The following FLT1 variants were observed in gnomAD, a reference collection of about 807,000 sequenced individuals.
The protein encoded by FLT1 is fms related receptor tyrosine kinase 1.
Under a neutral mutation model 156.3 loss-of-function variants are expected in FLT1, and 49 were observed. The ratio of observed to expected loss-of-function variants is 0.31; its 90% confidence interval spans 0.25 to 0.40. The LOEUF is 0.40. Ranked by LOEUF, FLT1 falls within the 10% of genes least tolerant of loss-of-function variation. FLT1 has a pLI of 1.00. For missense variants in FLT1, 1,322 were observed against 1,637.2 expected, an observed-to-expected ratio of 0.81 and a Z score of 3.32; for synonymous variants, 594 against 583.8, an observed-to-expected ratio of 1.02 and a Z score of -0.25.
Position 28,308,899 on chromosome 13 carries a change from G to C in FLT1, c.3664C>G (p.Leu1222Val), listed in dbSNP as rs1231182408. ...RYVNAFKFMS[L>V]ERIKTFEELL... ...TCTTCAAAGGTTTTGATTCTTTCCA[G>C]GCTCATGAACTTGAAAGCATTTACG... Residue 1222 changes from leucine (L) to valine (V), a missense_variant, in exon 28 of 30, where the codon CTG (leucine) becomes GTG (valine). Leu to Val is a conservative substitution (Grantham distance 32). This residue lies in a region of FLT1 where 329 missense variants were observed against 366.2 expected (regional missense o/e 0.90). Transcript: ENST00000282397. The C allele has an allele frequency of 6.2e-7, 1 of 1,611,126 alleles. No homozygotes were observed. The highest frequency in any genetic ancestry group is 2.2e-5 in the East Asian group (1 of 44,872).
chr13:28,429,901 C>T (rs1183348059), intron 8 of FLT1, 149 bp downstream of exon 8: 2 of 726,988 alleles, frequency 2.8e-6, no homozygotes, highest in African/African-American at 1.8e-5. Flanking sequence ...TCACCTCCAC[C>T]ACCCAAGAAT....
intron 25 of FLT1, among the ~76,000 whole-genome samples, chr13:28,316,431 T>G (rs1325928842): frequency 6.6e-6 from 1 of 152,222 alleles, no homozygotes; most frequent in Admixed American, 6.5e-5. Context: ...GCCCAAGTCC[T>G]TGTCAGCAGC....
In FLT1 at chr13:28,345,361, C is replaced by T. The variant is rs191089808; in HGVS notation, c.2355+84G>A. 222 of 799,616 alleles carry T rather than the reference C, an allele frequency of 2.8e-4. 1 individual carries two copies. In the Middle Eastern group the frequency reaches 4.5e-3, roughly 16 times the overall value. 49.5% of individuals were successfully genotyped at this position (799,616 alleles called of 1,614,324 possible). A position where few individuals can be genotyped will look rare whatever the true frequency, so the allele number is the denominator to read the frequency against. Reference sequence around the variant, plus strand: ...GGGAAGGGAAAGAAAGAGGGTCCAACATTTGTTTGCCTACTCTAGACATCA... The same window carrying T: ...GGGAAGGGAAAGAAAGAGGGTCCAATATTTGTTTGCCTACTCTAGACATCA... On this transcript the variant is annotated intron_variant, in intron 16 of 29. Coordinates refer to ENST00000282397, the MANE Select transcript of FLT1 (RefSeq NM_002019.4).
At chr13:28,433,783 T>C (rs1293794496) in intron 6 of FLT1, 36 bp downstream of exon 6, 2 of 1,604,102 alleles carry the variant, frequency 1.2e-6, no homozygotes, top group Admixed American at 1.7e-5. Flanking sequence ...CTTAAAATAC[T>C]GTCCTGCAGA....
chr13:28,320,544 T>A (rs9319426), intron 23 of FLT1, among the ~76,000 whole-genome samples: 128,953 of 145,842 alleles, frequency 0.88, 57,449 homozygotes, highest in Non-Finnish European at 0.98. Flanking sequence ...TTTGTTTGCA[T>A]TTTTTTTTTT....
At chr13:28,311,355 C>T (rs537642342) in intron 27 of FLT1, among the ~76,000 whole-genome samples, 15 of 152,202 alleles carry the variant, frequency 9.9e-5, no homozygotes, top group South Asian at 4.2e-4. Flanking sequence ...AAGAAAAATC[C>T]GTAACAAACA....
At chr13:28,471,633 G>A (rs1356747173) in intron 1 of FLT1, among the ~76,000 whole-genome samples, 1 of 152,182 alleles carries the variant, frequency 6.6e-6, no homozygotes, top group Non-Finnish European at 1.5e-5. Flanking sequence ...TCAGAGTCAT[G>A]TTGCCCATTT....
At position 28,405,773 on chromosome 13, in the gene FLT1, A is replaced by G; in HGVS notation, c.1551+7T>C. 2 of 1,472,576 alleles carry G rather than the reference A, an allele frequency of 1.4e-6. No individual in the cohort carries two copies. The highest frequency in any genetic ancestry group is 9.5e-7 in the Non-Finnish European group (1 of 1,051,504). The allele number at this position is 1,472,576 out of a possible 1,614,324, so 91.2% of individuals were successfully genotyped here. A position where few individuals can be genotyped will look rare whatever the true frequency, so the allele number is the denominator to read the frequency against. ...AATATCCCAGTGCGCATTTTTACAA[A>G]CAATACCTTATTCTTTCCTTCTATT... On this transcript the variant is annotated splice_region_variant and intron_variant, in intron 11 of 29. Transcript: ENST00000282397.
chr13:28,430,446 C>A (rs1877616804), intron 7 of FLT1, among the ~76,000 whole-genome samples: 2 of 152,184 alleles, frequency 1.3e-5, no homozygotes, highest in African/African-American at 4.8e-5. Flanking sequence ...ATCACAATAA[C>A]AAAGAAGTGG....
intron 3 of FLT1, among the ~76,000 whole-genome samples, chr13:28,446,900 T>C (rs982845308): frequency 1.3e-5 from 2 of 152,088 alleles, no homozygotes; most frequent in Non-Finnish European, 2.9e-5. Context: ...TGATTTCAGA[T>C]GAAAACTACA....
chr13:28,353,106 C>A (rs1872777318), intron 15 of FLT1, among the ~76,000 whole-genome samples: 1 of 152,178 alleles, frequency 6.6e-6, no homozygotes, highest in African/African-American at 2.4e-5. Context: ...AATGCCATGA[C>A]CAGCATTTAG....
intron 13 of FLT1, chr13:28,389,128 A>G: frequency 1.9e-6 from 2 of 1,062,132 alleles, no homozygotes; most frequent in Non-Finnish European, 2.3e-6. Context: ...CTCCAGTTCA[A>G]GATAAATGTG....
chr13:28,458,560 G>C (rs1035021381), intron 3 of FLT1, among the ~76,000 whole-genome samples: 1 of 152,198 alleles, frequency 6.6e-6, no homozygotes, highest in Non-Finnish European at 1.5e-5. Context: ...AGGGTCTGGG[G>C]CAGGGGCCAA....
At chr13:28,459,619 T>C (rs1490812173) in intron 3 of FLT1, among the ~76,000 whole-genome samples, 2 of 152,230 alleles carry the variant, frequency 1.3e-5, no homozygotes, top group African/African-American at 4.8e-5. Flanking sequence ...AAGAAATCTA[T>C]GCCTAAAAAA....
chr13:28,312,040 C>G lies in FLT1; in HGVS notation c.3445G>C (p.Glu1149Gln). ...AAATCACCTAGTTTTTCCACAAGTT[C>G]TGCAAATCTTGGCCTTTCTTTTGGG... Reference protein sequence around the residue: ...RDPKERPRFAELVEKLGDLLQ... With the variant: ...RDPKERPRFAQLVEKLGDLLQ... The change falls in exon 26 of 30, where the codon GAA (glutamate) becomes CAA (glutamine). Residue 1149 changes from glutamate (E) to glutamine (Q), a missense_variant. Physicochemically the swap from Glu to Gln is conservative, Grantham distance 29. Transcript: ENST00000282397. 2 of 1,613,952 alleles carry G rather than the reference C, an allele frequency of 1.2e-6. No individual in the cohort carries two copies. Among genetic ancestry groups the G allele is most frequent in the Non-Finnish European group, 1.7e-6 (2 of 1,179,966 alleles).
Position 28,431,034 on chromosome 13 carries a change from A to C in FLT1, c.988+102T>G, listed in dbSNP as rs182415527. Reference sequence around the variant, plus strand: ...GGCCAAGCTGTATTCATTCATGATAATGTAACTCTTGGCCAACAGAAAACT... The same window carrying C: ...GGCCAAGCTGTATTCATTCATGATACTGTAACTCTTGGCCAACAGAAAACT... On this transcript the variant is annotated intron_variant, in intron 7 of 29. Transcript: ENST00000282397. The C allele has an allele frequency of 8.4e-5, 87 of 1,035,258 alleles. No homozygotes were observed. The East Asian group carries it at 1.9e-3, about 23-fold the overall frequency. The allele number at this position is 1,035,258 out of a possible 1,614,324, so 64.1% of individuals were successfully genotyped here.
rs1330701828 is a variant in FLT1, at chr13:28,427,190, G to T, written c.1405C>A (p.His469Asn). The change falls in exon 10 of 30, where the codon CAC becomes AAC. Residue 469 changes from histidine to asparagine, a missense_variant. By Grantham distance (68) the His-to-Asn change is moderately conservative. Transcript: ENST00000282397. ...TCGGAATGATTATGGTTACAGGGGT[G>T]CCAGAACCACTTGATTGTAGGTTGA... The part of the protein sequence containing the change: ...IPQPTIKWFW[H>N]PCNHNHSEAR... 8.1e-6 allele frequency: 13 copies of T among 1,613,924 alleles called. No homozygotes were observed. The highest frequency in any genetic ancestry group is 1.1e-5 in the Non-Finnish European group (13 of 1,179,900).
chr13:28,418,968 G>C (rs572811008), intron 10 of FLT1, among the ~76,000 whole-genome samples: 1 of 152,154 alleles, frequency 6.6e-6, no homozygotes, highest in Non-Finnish European at 1.5e-5. Flanking sequence ...TCACCATTCC[G>C]TAAAACTGTT....
At position 28,333,886 on chromosome 13, in the gene FLT1, C is replaced by A; in HGVS notation, c.2593+139G>T. Reference sequence around the variant, plus strand: ...AATCTAAAACTCGTGAGCAAAGAGGCCTCTAGCAGTAGAAGAAAATTATGT... The same window carrying A: ...AATCTAAAACTCGTGAGCAAAGAGGACTCTAGCAGTAGAAGAAAATTATGT... On this transcript the variant is annotated intron_variant, in intron 18 of 29. Transcript: ENST00000282397. 3 of 740,318 alleles carry A rather than the reference C, an allele frequency of 4.1e-6. No individual in the cohort carries two copies. In the South Asian group the frequency reaches 4.3e-5, roughly 11 times the overall value. 45.9% of individuals were successfully genotyped at this position (740,318 alleles called of 1,614,324 possible).
Sources: allele counts gnomAD v4.1 joint callset (sites outside exome capture counted in the v4.1 genomes callset), GRCh38; gene constraint gnomAD v4.1.1; regional missense constraint gnomAD v4.1.1; transcripts MANE v1.5; gene names NCBI Gene and HGNC (gene_info 2026-07-23, HGNC 2026-07-21).